Variants in MPPED1 observed in about 807,000 individuals in gnomAD.
MPPED1 encodes metallophosphoesterase domain-containing protein 1.
A neutral mutation model predicts 36.2 loss-of-function variants in MPPED1; 16 were observed. That is an observed-to-expected ratio of 0.44 (90% CI 0.30 to 0.67). The LOEUF (loss-of-function observed/expected upper bound fraction) is 0.67. Ranked by LOEUF, MPPED1 falls within the 30% of genes least tolerant of loss-of-function variation. MPPED1 has a pLI of 0.10. For synonymous variants in MPPED1, 199 were observed against 191.3 expected, an observed-to-expected ratio of 1.04 and a Z score of -0.33; for missense variants, 307 against 453.4, an observed-to-expected ratio of 0.68 and a Z score of 2.93.
At chr22:43,479,005 G>A (rs898303065) in intron 4 of MPPED1, among the ~76,000 whole-genome samples, 5 of 152,176 alleles carry the variant, frequency 3.3e-5, no homozygotes, top group Non-Finnish European at 5.9e-5. Context: ...CCCTAAAACT[G>A]TATTCACGGC....
At chr22:43,458,331 G>C (rs527910303) in intron 3 of MPPED1, among the ~76,000 whole-genome samples, 2 of 151,806 alleles carry the variant, frequency 1.3e-5, no homozygotes, top group African/African-American at 4.8e-5. Context: ...CTGTCACCAG[G>C]CTGGAGTGCA....
At chr22:43,455,308 C>T (rs1754594370) in intron 3 of MPPED1, among the ~76,000 whole-genome samples, 1 of 151,842 alleles carries the variant, frequency 6.6e-6, no homozygotes, top group South Asian at 2.1e-4. Flanking sequence ...TGGGGTTTCA[C>T]CATGTTGGCC....
At chr22:43,412,788 G>C (rs1004297923) in intron 1 of MPPED1, among the ~76,000 whole-genome samples, 1 of 152,184 alleles carries the variant, frequency 6.6e-6, no homozygotes, top group African/African-American at 2.4e-5. Flanking sequence ...AGCCCTCAAA[G>C]GGAATGTTGA....
intron 3 of MPPED1, among the ~76,000 whole-genome samples, chr22:43,439,889 A>G (rs1461943672): frequency 6.6e-6 from 1 of 152,186 alleles, no homozygotes; most frequent in Non-Finnish European, 1.5e-5. Flanking sequence ...ACCCCTCCAG[A>G]GCTGCCCCTT....
At chr22:43,464,056 C>A (rs921936606) in intron 3 of MPPED1, among the ~76,000 whole-genome samples, 14 of 151,642 alleles carry the variant, frequency 9.2e-5, no homozygotes, top group Non-Finnish European at 1.8e-4. Context: ...TTATAGGCGC[C>A]CGCCACCACT....
chr22:43,500,257 TGGTGATGGTGATGGAGGTGGC>T (rs1569091818), intron 5 of MPPED1, among the ~76,000 whole-genome samples: 5 of 109,526 alleles, frequency 4.6e-5, no homozygotes, highest in Non-Finnish European at 7.2e-5. Flanking sequence ...GTGATGATGG[TGGTGATGGTGATGGAGGTGGC>T]GGTGGTGATG....
intron 1 of MPPED1, among the ~76,000 whole-genome samples, chr22:43,423,371 C>G (rs1601946166): frequency 6.6e-6 from 1 of 152,220 alleles, no homozygotes; most frequent in Admixed American, 6.5e-5. Context: ...CCTGCTCCCC[C>G]ACCTACAGTT....
chr22:43,426,986 G>A (rs1358496905), intron 2 of MPPED1, among the ~76,000 whole-genome samples: 1 of 152,232 alleles, frequency 6.6e-6, no homozygotes, highest in Non-Finnish European at 1.5e-5. Context: ...CCTGGGCTGG[G>A]TTTTGTCTTT....
rs182201293 is a variant in MPPED1 at position 43,489,611 on chromosome 22, T to A, written c.633-8624T>A. On this transcript the variant is annotated intron_variant, in intron 4 of 6. Coordinates refer to ENST00000443721, the MANE Select transcript of MPPED1 (RefSeq NM_001044370.2). ...TCAGCTCACTGCAACCTCTGCCTCC[T>A]GGGTTCAAGTGATTTTCCTGCCTCA... 4.6e-5 allele frequency among the ~76,000 whole-genome samples: 7 copies of A among 152,012 alleles called. No individual in the cohort carries two copies. The East Asian group carries it at 1.4e-3, about 30-fold the overall frequency.
chr22:43,500,748 G>T (rs1393919277), intron 5 of MPPED1, among the ~76,000 whole-genome samples: 1 of 152,182 alleles, frequency 6.6e-6, no homozygotes, highest in East Asian at 1.9e-4. Context: ...GGGTTGGAGG[G>T]CCCCCAGGCT....
At chr22:43,473,234 C>T (rs1433689523) in intron 3 of MPPED1, among the ~76,000 whole-genome samples, 2 of 152,036 alleles carry the variant, frequency 1.3e-5, no homozygotes, top group African/African-American at 4.8e-5. Flanking sequence ...GGGCATTGCC[C>T]CGGGAGGGTG....
At position 43,424,934 on chromosome 22, in the gene MPPED1, G is replaced by C. The variant is rs1929407696; in HGVS notation, c.-52G>C. 1.3e-6 allele frequency: 2 copies of C among 1,541,230 alleles called. No individual in the cohort carries two copies. Among genetic ancestry groups the C allele is most frequent in the South Asian group, 1.2e-5 (1 of 83,852 alleles). On this transcript the variant is annotated 5_prime_UTR_variant, in exon 2 of 7. Coordinates refer to ENST00000443721, the MANE Select transcript of MPPED1 (RefSeq NM_001044370.2). Reference sequence around the variant, plus strand: ...CTGTTTCCAGGTCTGGCGGGGGGCCGGGCTGCGGTGGCGGCAGCGGTGGGA... The same window carrying C: ...CTGTTTCCAGGTCTGGCGGGGGGCCCGGCTGCGGTGGCGGCAGCGGTGGGA...
intron 4 of MPPED1, among the ~76,000 whole-genome samples, chr22:43,491,457 G>A (rs1309436533): frequency 6.6e-6 from 1 of 151,864 alleles, no homozygotes; most frequent in Admixed American, 6.6e-5. Flanking sequence ...GGAGGCGGTG[G>A]TGGTGATGGA....
chr22:43,448,936 A>G (rs758471754), intron 3 of MPPED1, among the ~76,000 whole-genome samples: 8 of 151,918 alleles, frequency 5.3e-5, no homozygotes, highest in Non-Finnish European at 8.8e-5. Flanking sequence ...GACCTTTTGT[A>G]TATGGGAACT....
chr22:43,437,592 G>T lies in MPPED1; in HGVS notation c.406+2377G>T, dbSNP rs11913968. 2.5e-3 allele frequency among the ~76,000 whole-genome samples: 376 copies of T among 152,284 alleles called. 2 individuals are homozygous for T. Among genetic ancestry groups the T allele is most frequent in the Middle Eastern group, 0.014 (4 of 294 alleles). On this transcript the variant is annotated intron_variant, in intron 3 of 6. Coordinates refer to ENST00000443721, the MANE Select transcript of MPPED1 (RefSeq NM_001044370.2). ...TGGACGATGCTGATTGGAAGTAAGG[G>T]TGTAGGCGATGCATTTGGAGTCTGG...
At chr22:43,439,698 C>T (rs1930082318) in intron 3 of MPPED1, among the ~76,000 whole-genome samples, 1 of 152,250 alleles carries the variant, frequency 6.6e-6, no homozygotes. Flanking sequence ...CACAGGATCC[C>T]TGTCATTGTG....
chr22:43,442,899 C>T (rs1021168702), intron 3 of MPPED1, among the ~76,000 whole-genome samples: 2 of 152,136 alleles, frequency 1.3e-5, no homozygotes, highest in Admixed American at 6.5e-5. Context: ...GCCTCTCCCG[C>T]GGGGCTGTGA....
intron 3 of MPPED1, among the ~76,000 whole-genome samples, chr22:43,451,879 G>A (rs739016): frequency 0.39 from 59,146 of 152,050 alleles, 14,077 homozygotes; most frequent in Non-Finnish European, 0.52. Context: ...CATTGTTGGA[G>A]GTTTTCCCGC....
chr22:43,436,566 A>G (rs115587856), intron 3 of MPPED1, among the ~76,000 whole-genome samples: 4,238 of 152,350 alleles, frequency 0.028, 190 homozygotes, highest in African/African-American at 0.097. Context: ...AGGCCGGGGG[A>G]CAGGGCTCCT....
Sources: allele counts gnomAD v4.1 joint callset (sites outside exome capture counted in the v4.1 genomes callset), GRCh38; gene constraint gnomAD v4.1.1; transcripts MANE v1.5; gene names NCBI Gene and HGNC (gene_info 2026-07-23, HGNC 2026-07-21).